CLSTN1: variants seen among roughly 807,000 people sequenced by gnomAD.
CLSTN1 encodes calsyntenin-1.
CLSTN1 carries 28 observed loss-of-function variants against 108.3 expected under a neutral mutation model. The ratio of observed to expected loss-of-function variants is 0.26; its 90% confidence interval spans 0.19 to 0.35. CLSTN1 has a LOEUF of 0.35. Ranked by LOEUF, CLSTN1 falls within the 10% of genes least tolerant of loss-of-function variation. The pLI is 1.00. For missense variants in CLSTN1, 1,157 were observed against 1,302.6 expected (o/e 0.89, Z 1.72); for synonymous variants, 524 against 534.9 (o/e 0.98, Z 0.28).
intron 7 of CLSTN1, 87 bp downstream of exon 7, chr1:9,749,374 C>T: frequency 2.5e-6 from 3 of 1,212,170 alleles, no homozygotes; most frequent in Non-Finnish European, 3.5e-6. Context: ...TAATTATGAA[C>T]ACAACACACA....
intron 1 of CLSTN1, among the ~76,000 whole-genome samples, chr1:9,816,740 G>A (rs1654988835): frequency 6.6e-6 from 1 of 152,036 alleles, no homozygotes. Flanking sequence ...TCCGCCCCCT[G>A]GGTTCAAGCA....
At chr1:9,768,936 A>AGAGG (rs769743521) in intron 2 of CLSTN1, among the ~76,000 whole-genome samples, 5 of 114,116 alleles carry the variant, frequency 4.4e-5, no homozygotes, top group African/African-American at 1.0e-4. Flanking sequence ...AGAAAGGGAA[A>AGAGG]GAGGGAGGGA....
chr1:9,762,209 C>T (rs1013213607), intron 2 of CLSTN1, among the ~76,000 whole-genome samples: 19 of 152,268 alleles, frequency 1.2e-4, no homozygotes, highest in Middle Eastern at 3.4e-3. Flanking sequence ...CACCTGTAAT[C>T]CCAGCATTTT....
At chr1:9,744,273 T>C (rs540520751) in intron 8 of CLSTN1, 122 bp downstream of exon 8, 2 of 1,396,732 alleles carry the variant, frequency 1.4e-6, no homozygotes, top group East Asian at 2.3e-5. Flanking sequence ...GCACACAGCA[T>C]GGCACATGGC....
At position 9,734,569 on chromosome 1, in the gene CLSTN1, C is replaced by T. The variant is rs1328033079; in HGVS notation, c.2110+379G>A. On this transcript the variant is annotated intron_variant, in intron 14 of 18. Transcript: ENST00000377298. The surrounding 1 kb of genome is among the most constrained non-coding windows in gnomAD (Gnocchi z 4.8). The stretch of plus-strand genomic sequence containing the variant: ...CAGCCTGGGCGACAGAGTGAGACTC[C>T]ATCTCAAAAAAAAAAAAAAAGGGGG... 6.2e-5 allele frequency among the ~76,000 whole-genome samples: 9 copies of T among 145,394 alleles called. No homozygotes were observed. The highest frequency in any genetic ancestry group is 5.5e-4 in the Admixed American group (8 of 14,672).
chr1:9,733,325 T>C (rs1650505848), intron 16 of CLSTN1, 76 bp downstream of exon 16: 1 of 1,571,220 alleles, frequency 6.4e-7, no homozygotes, highest in Non-Finnish European at 8.7e-7. Flanking sequence ...TTGGCGTTTG[T>C]GAATATTAGG....
At chr1:9,767,951 C>T (rs1001901257) in intron 2 of CLSTN1, among the ~76,000 whole-genome samples, 3 of 152,152 alleles carry the variant, frequency 2.0e-5, no homozygotes, top group African/African-American at 4.8e-5. Flanking sequence ...GCTCTTCACA[C>T]GTATGAATAA....
chr1:9,773,131 A>C (rs1652769856), intron 2 of CLSTN1, 141 bp downstream of exon 2: 3 of 1,157,224 alleles, frequency 2.6e-6, no homozygotes, highest in Admixed American at 5.2e-5. Flanking sequence ...AGGAAAAAAA[A>C]ACATGCTACA....
At chr1:9,767,105 G>A (rs1391003788) in intron 2 of CLSTN1, among the ~76,000 whole-genome samples, 13 of 152,236 alleles carry the variant, frequency 8.5e-5, no homozygotes, top group Admixed American at 8.5e-4. Flanking sequence ...TCTATGGAGT[G>A]ACTGTGTTCC....
rs1418457377 is a variant in CLSTN1 at position 9,734,945 on chromosome 1, T to C, written c.2110+3A>G. ...GGAGCCCGCGCCCCACAGAGCACAT[T>C]ACCTGTGGGGTCCTCAGCCCCGTCC... On this transcript the variant is annotated splice_donor_region_variant and intron_variant, in intron 14 of 18. Coordinates refer to ENST00000377298, the MANE Select transcript of CLSTN1 (RefSeq NM_001009566.3). The surrounding 1 kb of genome is among the most constrained non-coding windows in gnomAD (Gnocchi z 4.8). 6.2e-7 allele frequency: 1 copy of C among 1,612,260 alleles called. No individual in the cohort carries two copies. The highest frequency in any genetic ancestry group is 1.7e-5 in the Admixed American group (1 of 60,012).
chr1:9,782,989 A>G lies in CLSTN1; in HGVS notation c.92-9595T>C, dbSNP rs566225679. On this transcript the variant is annotated intron_variant, in intron 1 of 18. Transcript: ENST00000377298. ...GCCATCGCACTCCAGCCTGGGTGACAGAGCGAGACTCCATCTCAAAAAGAA... is the reference window on the plus strand; with the variant it reads ...GCCATCGCACTCCAGCCTGGGTGACGGAGCGAGACTCCATCTCAAAAAGAA... 3.3e-5 allele frequency among the ~76,000 whole-genome samples: 5 copies of G among 152,312 alleles called. No individual in the cohort carries two copies. In the East Asian group the frequency reaches 9.6e-4, roughly 29 times the overall value.
In CLSTN1 at chr1:9,784,327, A is replaced by C. The variant is rs570538534; in HGVS notation, c.92-10933T>G. ...CACTTGCACTCCGGCCTGGGTGACAAAGCGAGATTCCCTCTTGAATAAAAA... is the reference window on the plus strand; with the variant it reads ...CACTTGCACTCCGGCCTGGGTGACACAGCGAGATTCCCTCTTGAATAAAAA... On this transcript the variant is annotated intron_variant, in intron 1 of 18. Coordinates refer to ENST00000377298, the MANE Select transcript of CLSTN1 (RefSeq NM_001009566.3). Among the ~76,000 whole-genome samples the C allele has an allele frequency of 2.0e-5, 3 of 151,812 alleles. No homozygotes were observed. The East Asian group carries it at 5.8e-4, about 30-fold the overall frequency.
Position 9,766,883 on chromosome 1 carries a change from A to G in CLSTN1, c.214+6389T>C, listed in dbSNP as rs1460099142. On this transcript the variant is annotated intron_variant, in intron 2 of 18. Transcript: ENST00000377298. ...GAATGTCTGATTAGTGATGACTTAC[A>G]AGGAGCTTCAATGACTAAGCTCCCA... Among the ~76,000 whole-genome samples, 3 of 152,214 alleles carry G rather than the reference A, an allele frequency of 2.0e-5. 1 individual carries two copies. Among genetic ancestry groups the G allele is most frequent in the Non-Finnish European group, 4.4e-5 (3 of 68,030 alleles).
At chr1:9,815,731 T>C (rs1654942579) in intron 1 of CLSTN1, among the ~76,000 whole-genome samples, 1 of 151,892 alleles carries the variant, frequency 6.6e-6, no homozygotes, top group East Asian at 1.9e-4. Context: ...AGGTCAGGAG[T>C]TGGAGACCAG....
chr1:9,797,453 A>C (rs1349014379), intron 1 of CLSTN1, among the ~76,000 whole-genome samples: 1 of 152,152 alleles, frequency 6.6e-6, no homozygotes, highest in Non-Finnish European at 1.5e-5. Flanking sequence ...GGTCAACATT[A>C]ATGAGACCTC....
intron 1 of CLSTN1, among the ~76,000 whole-genome samples, chr1:9,792,187 G>C (rs1653799575): frequency 6.6e-6 from 1 of 150,592 alleles, no homozygotes; most frequent in East Asian, 2.0e-4. Flanking sequence ...CCACTTCAAG[G>C]GGAAAAACAA....
intron 4 of CLSTN1, among the ~76,000 whole-genome samples, chr1:9,753,112 T>C (rs1022590386): frequency 6.6e-6 from 1 of 152,020 alleles, no homozygotes; most frequent in African/African-American, 2.4e-5. Context: ...GGAGGATGGT[T>C]TTGGGATGAA....
intron 10 of CLSTN1, among the ~76,000 whole-genome samples, chr1:9,739,785 CTG>C (rs1410089261): frequency 2.7e-5 from 4 of 149,824 alleles, no homozygotes; most frequent in African/African-American, 9.8e-5. Context: ...GGGTCTCACT[CTG>C]TTGCTCGGGC....
intron 1 of CLSTN1, among the ~76,000 whole-genome samples, chr1:9,818,304 C>T (rs989074170): frequency 2.0e-5 from 3 of 151,740 alleles, no homozygotes; most frequent in Non-Finnish European, 4.4e-5. Flanking sequence ...GCTACCATGC[C>T]TGGCCGTTTG....
Sources: allele counts gnomAD v4.1 joint callset (sites outside exome capture counted in the v4.1 genomes callset), GRCh38; gene constraint gnomAD v4.1.1; non-coding constraint Gnocchi (gnomAD v3.1); transcripts MANE v1.5; gene names NCBI Gene and HGNC (gene_info 2026-07-23, HGNC 2026-07-21).